Variants in ATRN observed in about 807,000 individuals in gnomAD.
ATRN encodes the protein attractin-2.
A neutral mutation model predicts 178.7 loss-of-function variants in ATRN; 54 were observed. The observed-to-expected ratio is 0.30, with a 90% confidence interval of 0.24 to 0.38. The LOEUF (loss-of-function observed/expected upper bound fraction) is 0.38. Among genes scored for constraint, ATRN ranks in the 10% least tolerant of loss-of-function variants. The pLI is 1.00. For synonymous variants in ATRN, 636 were observed against 663.0 expected, an observed-to-expected ratio of 0.96 and a Z score of 0.63; for missense variants, 1,443 against 1,815.1, an observed-to-expected ratio of 0.79 and a Z score of 3.73.
chr20:3,552,162 T>A (rs913713921), intron 6 of ATRN, among the ~76,000 whole-genome samples: 1 of 152,194 alleles, frequency 6.6e-6, no homozygotes, highest in African/African-American at 2.4e-5. Flanking sequence ...TGGTTTCTCT[T>A]CAGCTGACTG....
At chr20:3,624,665 T>A in intron 25 of ATRN, 93 bp downstream of exon 25, 1 of 1,057,690 alleles carries the variant, frequency 9.5e-7, no homozygotes, top group Non-Finnish European at 1.4e-6. Context: ...AAAAGAATAA[T>A]CCTGTGTTTC....
chr20:3,540,279 C>T lies in ATRN; in HGVS notation c.552C>T (p.Asp184=). 1.2e-6 allele frequency: 2 copies of T among 1,610,838 alleles called. No homozygotes were observed. The highest frequency in any genetic ancestry group is 1.7e-6 in the Non-Finnish European group (2 of 1,178,482). Reference sequence around the variant, plus strand: ...ATTTTGCTACAGAGTGTAGTTGGGACCATTTATATGTTTATGATGGGGACT... The same window carrying T: ...ATTTTGCTACAGAGTGTAGTTGGGATCATTTATATGTTTATGATGGGGACT... The part of the protein sequence containing the change: ...FNHFATECSW[D]HLYVYDGDSI... The change falls in exon 3 of 29, where the codon GAC becomes GAT. Residue 184 remains aspartate, a synonymous_variant. Coordinates refer to ENST00000262919, the MANE Select transcript of ATRN (RefSeq NM_139321.3).
chr20:3,490,331 G>T, intron 1 of ATRN: 1 of 1,011,478 alleles, frequency 9.9e-7, no homozygotes, highest in Non-Finnish European at 1.6e-6. Flanking sequence ...TGTCTCTTTC[G>T]CCCATCCAGG....
chr20:3,634,347 T>G lies in ATRN; in HGVS notation c.3900T>G (p.Val1300=). The G allele has an allele frequency of 2.5e-6, 4 of 1,612,986 alleles. No individual in the cohort carries two copies. Among genetic ancestry groups the G allele is most frequent in the Non-Finnish European group, 3.4e-6 (4 of 1,179,134 alleles). ...CTTTGCTCCTGGTGGCTGCTGTGGT[T>G]TGGAAGATCAAACAAAGTTGTTGGG... ...FLSLLLVAAV[V]WKIKQSCWAS... is the part of the protein sequence containing the mutation. Residue 1300 remains valine (V), a synonymous_variant, in exon 26 of 29, where the codon GTT becomes GTG. Transcript: ENST00000262919.
At chr20:3,517,289 A>G (rs971790891) in intron 1 of ATRN, among the ~76,000 whole-genome samples, 1 of 152,128 alleles carries the variant, frequency 6.6e-6, no homozygotes, top group Non-Finnish European at 1.5e-5. Flanking sequence ...AATATGTACA[A>G]TATTATCTCC....
chr20:3,643,869 C>T (rs1460800832), intron 27 of ATRN, among the ~76,000 whole-genome samples: 1 of 152,154 alleles, frequency 6.6e-6, no homozygotes, highest in East Asian at 1.9e-4. Flanking sequence ...GTACAGCATC[C>T]AGAAGAAACC....
intron 28 of ATRN, 96 bp from the exon 29 acceptor site, chr20:3,646,627 C>T (rs2087109722): frequency 1.4e-6 from 2 of 1,426,384 alleles, no homozygotes; most frequent in Admixed American, 2.7e-5. Context: ...GTTTGTTTTG[C>T]ACCATGGGAT....
At chr20:3,481,769 A>AT (rs1413241690) in intron 1 of ATRN, among the ~76,000 whole-genome samples, 1 of 135,840 alleles carries the variant, frequency 7.4e-6, no homozygotes, top group Non-Finnish European at 1.6e-5. Context: ...AGAGAAGTTA[A>AT]TTTTAGTAAT....
rs762413698 is a variant in ATRN, at chr20:3,545,820, T to C, written c.667T>C (p.Ser223Pro). ...NETVPEVVAT[S>P]GYALLHFFSD... ...GACTGTCCCTGAGGTTGTTGCCACA[T>C]CAGGTTATGCCTTGCTGCATTTTTT... Residue 223 changes from serine (S) to proline (P), a missense_variant, in exon 4 of 29, where the codon TCA becomes CCA. By Grantham distance (74) the Ser-to-Pro change is moderately conservative (BLOSUM62 -1). Around this residue, in one of 4 missense-constraint regions of ATRN, gnomAD observed 862 missense variants for 972.1 expected, o/e 0.89. Coordinates refer to ENST00000262919, the MANE Select transcript of ATRN (RefSeq NM_139321.3). 6.2e-7 allele frequency: 1 copy of C among 1,614,152 alleles called. No homozygotes were observed. Among genetic ancestry groups the C allele is most frequent in the Non-Finnish European group, 8.5e-7 (1 of 1,179,980 alleles).
chr20:3,599,435 C>T (rs1002984847), intron 22 of ATRN, among the ~76,000 whole-genome samples: 26 of 152,114 alleles, frequency 1.7e-4, no homozygotes, highest in African/African-American at 5.6e-4. Context: ...GTTTATCTTA[C>T]GACAGAATAC....
At chr20:3,513,585 G>A (rs1272116261) in intron 1 of ATRN, among the ~76,000 whole-genome samples, 6 of 152,154 alleles carry the variant, frequency 3.9e-5, no homozygotes, top group African/African-American at 1.4e-4. Flanking sequence ...TTGACTTGGC[G>A]ATGTGGGCTC....
rs866182063 is a variant in ATRN, at chr20:3,555,465, G to A, written c.1113-3928G>A. ...AGTTGCTGGGGAGGATCAGGTGAAA[G>A]GGGGAGAAATTGACCAAGTGGCTGA... On this transcript the variant is annotated intron_variant, in intron 6 of 28. Coordinates refer to ENST00000262919, the MANE Select transcript of ATRN (RefSeq NM_139321.3). Among the ~76,000 whole-genome samples the A allele has an allele frequency of 9.2e-5, 14 of 152,268 alleles. 1 individual carries two copies. Among genetic ancestry groups the A allele is most frequent in the Middle Eastern group, 6.8e-3 (2 of 294 alleles).
intron 6 of ATRN, among the ~76,000 whole-genome samples, chr20:3,552,582 A>G (rs1351836801): frequency 2.6e-5 from 4 of 152,228 alleles, no homozygotes; most frequent in African/African-American, 9.6e-5. Flanking sequence ...TTAGCACCTT[A>G]AAACAGTTTG....
intron 11 of ATRN, among the ~76,000 whole-genome samples, chr20:3,570,304 T>TCAAAA (rs1248551379): frequency 2.6e-5 from 4 of 152,316 alleles, no homozygotes; most frequent in Admixed American, 6.5e-5. Context: ...CCTGTAGAGT[T>TCAAAA]TCCCGTAGTC....
chr20:3,597,880 A>T, intron 21 of ATRN, 26 bp from the exon 22 acceptor site: 1 of 1,415,296 alleles, frequency 7.1e-7, no homozygotes, highest in Non-Finnish European at 9.9e-7. Context: ...TTTAGTTTTT[A>T]AATATGCATT....
Position 3,535,626 on chromosome 20 carries a change from C to CACACACACAT in ATRN, c.494+291_494+292insCACACACATA, listed in dbSNP as rs1491226542. Reference sequence around the variant, plus strand: ...ACACACACACACACACACACACACACATATATATTTATTTATTTTTATGGG... The same window carrying CACACACACAT: ...ACACACACACACACACACACACACACACACACACATATATATATTTATTTATTTTTATGGG... On this transcript the variant is annotated intron_variant, in intron 2 of 28. Coordinates refer to ENST00000262919, the MANE Select transcript of ATRN (RefSeq NM_139321.3). Among the ~76,000 whole-genome samples, 183 of 115,910 alleles carry CACACACACAT rather than the reference C, an allele frequency of 1.6e-3. 1 individual carries two copies. Among genetic ancestry groups the CACACACACAT allele is most frequent in the Non-Finnish European group, 2.4e-3 (135 of 55,770 alleles). 76.0% of individuals were successfully genotyped at this position (115,910 alleles called of 152,430 possible).
intron 6 of ATRN, among the ~76,000 whole-genome samples, chr20:3,554,335 T>TTATG (rs2085833536): frequency 1.3e-5 from 2 of 149,920 alleles, no homozygotes; most frequent in Non-Finnish European, 3.0e-5. Context: ...ATTTATTTAT[T>TTATG]TATTTATTTA....
intron 1 of ATRN, among the ~76,000 whole-genome samples, chr20:3,506,624 CA>C (rs1234061588): frequency 0.02 from 1,723 of 84,194 alleles, 11 homozygotes; most frequent in Middle Eastern, 0.057. Context: ...GACTACATCT[CA>C]AAAAAAAAAA....
intron 1 of ATRN, among the ~76,000 whole-genome samples, chr20:3,512,101 A>G (rs956049729): frequency 8.4e-6 from 1 of 119,274 alleles, no homozygotes; most frequent in East Asian, 2.1e-4. Flanking sequence ...ATATATATAT[A>G]TATATATTTT....
Sources: allele counts gnomAD v4.1 joint callset (sites outside exome capture counted in the v4.1 genomes callset), GRCh38; gene constraint gnomAD v4.1.1; regional missense constraint gnomAD v4.1.1; transcripts MANE v1.5; gene names NCBI Gene and HGNC (gene_info 2026-07-23, HGNC 2026-07-21).